The following CPAMD8 variants were observed in gnomAD, a reference collection of about 807,000 sequenced individuals.
CPAMD8 encodes C3 and PZP like alpha-2-macroglobulin domain containing 8.
A neutral mutation model predicts 224.7 loss-of-function variants in CPAMD8; 146 were observed. The ratio of observed to expected loss-of-function variants is 0.65; its 90% CI spans 0.57 to 0.75. The LOEUF (loss-of-function observed/expected upper bound fraction) is 0.75, where lower values mean the gene tolerates loss of function less well. CPAMD8 is among the 30% of genes least tolerant of loss of function. The pLI is 0.00. For missense variants in CPAMD8, 2,301 were observed against 2,537.5 expected (o/e 0.91, Z 2.00); for synonymous variants, 966 against 1,044.6 (o/e 0.92, Z 1.45).
At position 16,896,285 on chromosome 19, in the gene CPAMD8, CATCCCCGT is replaced by C. The variant is rs1393931141; in HGVS notation, c.5309_5316del (p.Tyr1770Ter). The C allele has an allele frequency of 6.2e-7, 1 of 1,613,036 alleles. No homozygotes were observed. Among genetic ancestry groups the C allele is most frequent in the Non-Finnish European group, 8.5e-7 (1 of 1,179,904 alleles). On this transcript the variant is annotated frameshift_variant, in exon 41 of 42. Transcript: ENST00000443236. LOFTEE classifies it high-confidence loss of function. ...GGCCCCGGGGCCACAGAAGCCAGGT[CATCCCCGT>C]AGGTGGAGGACGACGAGGCCGGCAG...
At chr19:16,967,177 A>G (rs2054855173) in intron 18 of CPAMD8, among the ~76,000 whole-genome samples, 1 of 152,264 alleles carries the variant, frequency 6.6e-6, no homozygotes, top group African/African-American at 2.4e-5. Flanking sequence ...GGATGCGTTC[A>G]TGTCCTTTGC....
In CPAMD8 at chr19:17,000,444, C is replaced by T. The variant is rs935521081; in HGVS notation, c.837G>A (p.Glu279=). The stretch of plus-strand genomic sequence containing the variant: ...TTGTTCTGAGGACAGGGCGTCCCAC[C>T]TCGTGGCTGTAGTACCCTACACCAT... The part of the protein sequence containing the change: ...TVNGVGYYSH[E]VGRPVLRTTK... Residue 279 remains glutamate, a synonymous_variant, in exon 10 of 42, where the codon GAG becomes GAA. Coordinates refer to ENST00000443236, the MANE Select transcript of CPAMD8 (RefSeq NM_015692.5). 26 of 1,532,318 alleles carry T rather than the reference C, an allele frequency of 1.7e-5. No individual in the cohort carries two copies. In the East Asian group the frequency reaches 5.8e-4, roughly 34 times the overall value. 94.9% of individuals were successfully genotyped at this position (1,532,318 alleles called of 1,614,324 possible). A position where few individuals can be genotyped will look rare whatever the true frequency, so the allele number is the denominator to read the frequency against.
At chr19:16,981,871 G>A (rs1347947455) in intron 13 of CPAMD8, among the ~76,000 whole-genome samples, 1 of 152,208 alleles carries the variant, frequency 6.6e-6, no homozygotes, top group Non-Finnish European at 1.5e-5. Flanking sequence ...AAATAAGGCT[G>A]TTATCTCCTG....
chr19:16,943,801 T>C (rs2053983498), intron 22 of CPAMD8, among the ~76,000 whole-genome samples: 1 of 152,122 alleles, frequency 6.6e-6, no homozygotes. Context: ...ACCAACACTC[T>C]CATTTAACCA....
In CPAMD8 at chr19:16,951,584, G is replaced by C. The variant is rs114207529; in HGVS notation, c.2508+385C>G. Among the ~76,000 whole-genome samples the C allele has an allele frequency of 4.9e-3, 744 of 152,206 alleles. 5 individuals are homozygous for C. The highest frequency in any genetic ancestry group is 0.017 in the African/African-American group (713 of 41,516). On this transcript the variant is annotated intron_variant, in intron 20 of 41. Transcript: ENST00000443236. Reference sequence around the variant, plus strand: ...AATATTTCCTATCTGGCCCTTTACAGAGAAAGCTCCATGCTATCATATATG... The same window carrying C: ...AATATTTCCTATCTGGCCCTTTACACAGAAAGCTCCATGCTATCATATATG...
At chr19:16,970,689 G>A (rs1431725564) in intron 18 of CPAMD8, among the ~76,000 whole-genome samples, 1 of 152,140 alleles carries the variant, frequency 6.6e-6, no homozygotes, top group Non-Finnish European at 1.5e-5. Context: ...GAAGCAGGAA[G>A]TGAGCCCTCA....
chr19:16,938,056 G>A (rs1012922075), intron 23 of CPAMD8, among the ~76,000 whole-genome samples: 2 of 152,192 alleles, frequency 1.3e-5, no homozygotes, highest in Non-Finnish European at 2.9e-5. Context: ...CAAAGTGCTG[G>A]GATTACAGGT....
chr19:16,936,853 T>C (rs2053701317), intron 23 of CPAMD8, among the ~76,000 whole-genome samples: 1 of 152,214 alleles, frequency 6.6e-6, no homozygotes, highest in South Asian at 2.1e-4. Flanking sequence ...ACAGGGTTTA[T>C]TGTGGAGAAA....
chr19:16,977,482 G>A lies in CPAMD8; in HGVS notation c.1644C>T (p.Ala548=), dbSNP rs773333279. The stretch of plus-strand genomic sequence containing the variant: ...CAAGGGGGACCATGCTGGGGGTCAC[G>A]GCCAGATGAAGAGAGGTCACACACA... The part of the protein sequence containing the change: ...VDVCVTSLHL[A]VTPSMVPLGR... The change falls in exon 15 of 42, where the codon GCC becomes GCT. Residue 548 remains alanine, a synonymous_variant. Coordinates refer to ENST00000443236, the MANE Select transcript of CPAMD8 (RefSeq NM_015692.5). 1.6e-5 allele frequency: 25 copies of A among 1,611,794 alleles called. No individual in the cohort carries two copies. Among genetic ancestry groups the A allele is most frequent in the African/African-American group, 2.7e-5 (2 of 74,816 alleles).
chr19:16,893,322 C>A lies in CPAMD8; in HGVS notation c.5444G>T (p.Arg1815Leu). The A allele has an allele frequency of 1.3e-6, 2 of 1,537,116 alleles. No individual in the cohort carries two copies. Among genetic ancestry groups the A allele is most frequent in the East Asian group, 2.4e-5 (1 of 41,038 alleles). The change falls in exon 42 of 42, where the codon CGG becomes CTG. Residue 1815 changes from arginine (R) to leucine (L), a missense_variant. By Grantham distance (102) the Arg-to-Leu change is moderately radical. Transcript: ENST00000443236. ...CAGGTTCCCGCTGCTCACAGGAGGC[C>A]GAGGCCCGGCTGTGACCCTGGAGAT... ...EAEDRVTAGP[R>L]PPVSSGNLES...
At chr19:17,015,443 G>C (rs1011855099) in intron 3 of CPAMD8, among the ~76,000 whole-genome samples, 2 of 152,100 alleles carry the variant, frequency 1.3e-5, no homozygotes, top group South Asian at 2.1e-4. Flanking sequence ...GTGTGGGTGA[G>C]GTCGGGGTGC....
intron 21 of CPAMD8, among the ~76,000 whole-genome samples, chr19:16,946,204 T>C (rs985607944): frequency 6.6e-6 from 1 of 151,206 alleles, no homozygotes; most frequent in South Asian, 2.1e-4. Flanking sequence ...TGTCTGCATG[T>C]GCAGGCATGT....
chr19:17,008,188 G>A (rs1187784276), intron 7 of CPAMD8, among the ~76,000 whole-genome samples: 1 of 152,154 alleles, frequency 6.6e-6, no homozygotes, highest in Non-Finnish European at 1.5e-5. Flanking sequence ...AAAACAAGGT[G>A]AGAGCAGGTG....
chr19:16,907,423 C>T (rs2144781518), intron 29 of CPAMD8: 1 of 176,262 alleles, frequency 5.7e-6, no homozygotes, highest in Admixed American at 6.1e-5. Context: ...CCCTGGCCAA[C>T]ATGGTGAAAC....
intron 19 of CPAMD8, among the ~76,000 whole-genome samples, chr19:16,956,811 G>T (rs2054486853): frequency 6.6e-6 from 1 of 151,888 alleles, no homozygotes; most frequent in Admixed American, 6.6e-5. Flanking sequence ...GGGACTACAG[G>T]CGCCCGCCAC....
chr19:16,969,372 G>T (rs1363826433), intron 18 of CPAMD8, among the ~76,000 whole-genome samples: 1 of 152,118 alleles, frequency 6.6e-6, no homozygotes, highest in East Asian at 1.9e-4. Flanking sequence ...AGTGGGTGGA[G>T]GTCAGGGATG....
rs141436316 is a variant in CPAMD8 at position 16,969,631 on chromosome 19, G to A, written c.2213+1260C>T. On this transcript the variant is annotated intron_variant, in intron 18 of 41. Coordinates refer to ENST00000443236, the MANE Select transcript of CPAMD8 (RefSeq NM_015692.5). ...GCAGAGGCTCACGCCTGTAATCCCA[G>A]CACTTTGAGAGGCCACAGCAGGCAA... Among the ~76,000 whole-genome samples the A allele has an allele frequency of 2.8e-3, 430 of 152,288 alleles. 3 individuals carry two copies. Among genetic ancestry groups the A allele is most frequent in the African/African-American group, 9.8e-3 (407 of 41,558 alleles).
At chr19:16,930,285 C>T (rs1267763086) in intron 23 of CPAMD8, among the ~76,000 whole-genome samples, 2 of 151,364 alleles carry the variant, frequency 1.3e-5, no homozygotes, top group African/African-American at 4.9e-5. Context: ...AAGAACACAA[C>T]TGGAAAACTC....
At chr19:16,905,212 C>T (rs1419268390) in intron 30 of CPAMD8, among the ~76,000 whole-genome samples, 4 of 152,008 alleles carry the variant, frequency 2.6e-5, no homozygotes, top group African/African-American at 9.7e-5. Flanking sequence ...CTGCACTCCA[C>T]ACTCCAGCCT....
Sources: gnomAD v4.1 joint callset for allele counts (sites outside exome capture counted in the v4.1 genomes callset) on GRCh38, gnomAD v4.1.1 for gene constraint, MANE v1.5 for transcripts, NCBI Gene and HGNC (gene_info 2026-07-23, HGNC 2026-07-21) for gene names.